The following SYT1 variants were observed in gnomAD, a reference collection of about 807,000 sequenced individuals.
SYT1 encodes the protein synaptotagmin 1, also known as synaptotagmin-1.
In SYT1, 8 loss-of-function variants were observed where a neutral mutation model predicts 44.8. That is an observed-to-expected ratio of 0.18 (90% confidence interval 0.10 to 0.32). The LOEUF is 0.32. Ranked by LOEUF, SYT1 falls within the 10% of genes least tolerant of loss-of-function variation. The pLI is 1.00. For missense variants in SYT1, 286 were observed against 509.3 expected (o/e 0.56, Z 4.22); for synonymous variants, 154 against 188.8 (o/e 0.82, Z 1.51).
intron 3 of SYT1, among the ~76,000 whole-genome samples, chr12:79,117,698 TATATATATATATATATAA>T (rs1158458206): frequency 5.2e-5 from 6 of 115,514 alleles, no homozygotes; most frequent in African/African-American, 2.0e-4. Flanking sequence ...TATATATATA[TATATATATATATATATAA>T]AATAAATAGG....
In SYT1 at chr12:79,270,307, CAT is replaced by C. The variant is rs1281346016; in HGVS notation, c.167-15479_167-15478del. On this transcript the variant is annotated intron_variant, in intron 4 of 10. Coordinates refer to ENST00000261205, the MANE Select transcript of SYT1 (RefSeq NM_005639.3). The stretch of plus-strand genomic sequence containing the variant: ...ATCAGTAAATATAAGAATGAAGAAA[CAT>C]GTAGATTATTCATAAAATGAATAAT... Among the ~76,000 whole-genome samples, 10 of 152,120 alleles carry C rather than the reference CAT, an allele frequency of 6.6e-5. No individual in the cohort carries two copies. The East Asian group carries it at 1.7e-3, about 26-fold the overall frequency.
At chr12:78,973,162 T>C (rs1592620202) in intron 1 of SYT1, among the ~76,000 whole-genome samples, 1 of 152,316 alleles carries the variant, frequency 6.6e-6, no homozygotes, top group East Asian at 1.9e-4. Context: ...TGTATTTACA[T>C]GCACAACATG....
Position 79,022,336 on chromosome 12 carries a change from C to T in SYT1, c.-83-24961C>T, listed in dbSNP as rs116846566. Among the ~76,000 whole-genome samples the T allele has an allele frequency of 1.4e-3, 213 of 151,918 alleles. 1 individual carries two copies. Among genetic ancestry groups the T allele is most frequent in the Admixed American group, 3.2e-3 (48 of 15,208 alleles). On this transcript the variant is annotated intron_variant, in intron 2 of 10. Coordinates refer to ENST00000261205, the MANE Select transcript of SYT1 (RefSeq NM_005639.3). ...TGTTACTCCAAAACAACTACATGGT[C>T]TGCTACGTCAGTGGCTCTCAAAGTA...
At chr12:78,962,856 A>G (rs1484750602) in intron 1 of SYT1, among the ~76,000 whole-genome samples, 3 of 152,176 alleles carry the variant, frequency 2.0e-5, no homozygotes, top group Admixed American at 1.3e-4. Context: ...ACAATTTTTA[A>G]TGACTTCCTT....
chr12:79,350,827 T>C (rs958415156), intron 8 of SYT1, among the ~76,000 whole-genome samples: 1 of 152,218 alleles, frequency 6.6e-6, no homozygotes, highest in African/African-American at 2.4e-5. Context: ...ATATTTTCCT[T>C]GCCTTTTTCT....
At chr12:79,270,218 C>G (rs974668711) in intron 4 of SYT1, among the ~76,000 whole-genome samples, 2 of 152,078 alleles carry the variant, frequency 1.3e-5, no homozygotes, top group African/African-American at 4.8e-5. Context: ...CACCTTGCAT[C>G]TACTTATAAT....
intron 3 of SYT1, among the ~76,000 whole-genome samples, chr12:79,115,005 A>G (rs1879201294): frequency 6.6e-6 from 1 of 152,214 alleles, no homozygotes; most frequent in African/African-American, 2.4e-5. Flanking sequence ...GTGCTCATTT[A>G]TCATCCTGAC....
chr12:78,963,367 G>A (rs1427295923), intron 1 of SYT1, among the ~76,000 whole-genome samples: 2 of 151,984 alleles, frequency 1.3e-5, no homozygotes, highest in African/African-American at 4.8e-5. Context: ...AGGAAACGAT[G>A]GCGTGAAAAG....
chr12:79,424,953 CTT>C (rs398040025), intron 9 of SYT1, among the ~76,000 whole-genome samples: 39 of 85,238 alleles, frequency 4.6e-4, no homozygotes, highest in Middle Eastern at 9.6e-3. Flanking sequence ...TTTTCTTCTT[CTT>C]TTTTTTTTTT....
At chr12:79,245,400 G>A (rs57279353) in intron 4 of SYT1, among the ~76,000 whole-genome samples, 2 of 149,338 alleles carry the variant, frequency 1.3e-5, no homozygotes, top group South Asian at 2.1e-4. Flanking sequence ...GCGAGAACCC[G>A]GGAAGCGGAG....
intron 1 of SYT1, among the ~76,000 whole-genome samples, chr12:78,949,414 G>A (rs996373927): frequency 1.3e-5 from 2 of 151,282 alleles, no homozygotes; most frequent in East Asian, 1.9e-4. Context: ...TATGTCTACT[G>A]GTTTCAAGAT....
intron 9 of SYT1, among the ~76,000 whole-genome samples, chr12:79,366,173 TA>T (rs1360818245): frequency 6.6e-6 from 1 of 152,218 alleles, no homozygotes; most frequent in Non-Finnish European, 1.5e-5. Flanking sequence ...GAAACTAGCC[TA>T]AAGGGCAATA....
In SYT1 at chr12:79,234,142, T is replaced by A. The variant is rs560233230; in HGVS notation, c.166+16457T>A. Among the ~76,000 whole-genome samples the A allele has an allele frequency of 4.2e-4, 64 of 152,324 alleles. 1 individual carries two copies. The Middle Eastern group carries it at 0.01, about 24-fold the overall frequency. ...TCCAATTGCCTACAGGTGGGTACTC[T>A]CCAAGCCTCTGCCTCTGGCATTTTT... On this transcript the variant is annotated intron_variant, in intron 4 of 10. Transcript: ENST00000261205.
At chr12:79,412,223 C>T (rs1868473867) in intron 9 of SYT1, among the ~76,000 whole-genome samples, 1 of 152,110 alleles carries the variant, frequency 6.6e-6, no homozygotes, top group African/African-American at 2.4e-5. Context: ...TGTCCGCATG[C>T]ACAGTGGCCC....
intron 9 of SYT1, among the ~76,000 whole-genome samples, chr12:79,361,283 A>G (rs1883306288): frequency 6.6e-6 from 1 of 152,180 alleles, no homozygotes; most frequent in Non-Finnish European, 1.5e-5. Flanking sequence ...TTTATTGATG[A>G]TGGAACTGAA....
intron 2 of SYT1, among the ~76,000 whole-genome samples, chr12:79,042,739 T>C (rs1234622509): frequency 6.7e-6 from 1 of 149,368 alleles, no homozygotes; most frequent in Non-Finnish European, 1.5e-5. Flanking sequence ...TTTGGATCTT[T>C]CCTGCTTTCT....
chr12:79,359,283 A>G lies in SYT1; in HGVS notation c.928+5664A>G, dbSNP rs28413594. ...ATGTAGCTATTCCAGCAGCCTCCTGAACATCAAGGAGCTAGGGAGGTGGCT... is the reference window on the plus strand; with the variant it reads ...ATGTAGCTATTCCAGCAGCCTCCTGGACATCAAGGAGCTAGGGAGGTGGCT... On this transcript the variant is annotated intron_variant, in intron 9 of 10. Transcript: ENST00000261205. Among the ~76,000 whole-genome samples the G allele has an allele frequency of 4.0e-4, 61 of 152,272 alleles. 1 individual carries two copies. The East Asian group carries it at 0.011, about 27-fold the overall frequency.
chr12:78,864,543 G>A (rs1366742970), upstream of SYT1: 3 of 152,166 alleles, frequency 2.0e-5, no homozygotes, highest in Admixed American at 1.3e-4. Context: ...CGCTTCCCAG[G>A]TCCCTGTCCG....
intron 3 of SYT1, among the ~76,000 whole-genome samples, chr12:79,130,018 C>G (rs1868705460): frequency 6.6e-6 from 1 of 152,128 alleles, no homozygotes; most frequent in African/African-American, 2.4e-5. Context: ...GTTTGCAGAT[C>G]TTTATCAGAA....
Sources: allele counts gnomAD v4.1 joint callset (sites outside exome capture counted in the v4.1 genomes callset), GRCh38; gene constraint gnomAD v4.1.1; transcripts MANE v1.5; gene names NCBI Gene and HGNC (gene_info 2026-07-23, HGNC 2026-07-21).